Variants in PIP5K1B observed in about 807,000 individuals in gnomAD.
PIP5K1B encodes phosphatidylinositol-4-phosphate 5-kinase type 1 beta.
In PIP5K1B, 42 loss-of-function variants were observed where a neutral mutation model predicts 67.0. The observed-to-expected ratio is 0.63, with a 90% CI of 0.49 to 0.81. PIP5K1B has a LOEUF of 0.81. Ranked by LOEUF, PIP5K1B falls within the 30% of genes least tolerant of loss-of-function variation. The pLI is 0.00. For synonymous variants in PIP5K1B, 214 were observed against 231.4 expected, an observed-to-expected ratio of 0.92 and a Z score of 0.68; for missense variants, 459 against 646.3, an observed-to-expected ratio of 0.71 and a Z score of 3.14.
intron 1 of PIP5K1B, among the ~76,000 whole-genome samples, chr9:68,729,738 A>T (rs767668125): frequency 1.3e-5 from 2 of 152,180 alleles, no homozygotes; most frequent in Non-Finnish European, 2.9e-5. Context: ...GAAGTAACTG[A>T]GTCTTAAGAA....
At chr9:68,978,317 C>T (rs1286968790) in intron 14 of PIP5K1B, among the ~76,000 whole-genome samples, 3 of 152,232 alleles carry the variant, frequency 2.0e-5, no homozygotes, top group Admixed American at 6.5e-5. Flanking sequence ...ATTCTAGTCT[C>T]TGCTTTTATG....
chr9:68,767,405 C>A (rs1830480570), intron 2 of PIP5K1B, among the ~76,000 whole-genome samples: 1 of 151,952 alleles, frequency 6.6e-6, no homozygotes, highest in Admixed American at 6.6e-5. Context: ...ACCAGCCTGA[C>A]CAACATGGTG....
At chr9:68,823,806 G>A (rs1833849337) in intron 4 of PIP5K1B, among the ~76,000 whole-genome samples, 1 of 152,158 alleles carries the variant, frequency 6.6e-6, no homozygotes, top group Admixed American at 6.5e-5. Flanking sequence ...TAGTCATAAA[G>A]TACATGAGCT....
At chr9:68,736,100 A>C (rs532717403) in intron 1 of PIP5K1B, among the ~76,000 whole-genome samples, 1 of 152,128 alleles carries the variant, frequency 6.6e-6, no homozygotes, top group Non-Finnish European at 1.5e-5. Context: ...GGAGCTGTGT[A>C]CTGCTGTGGA....
At chr9:68,828,737 C>T (rs1834122088) in intron 4 of PIP5K1B, among the ~76,000 whole-genome samples, 1 of 152,134 alleles carries the variant, frequency 6.6e-6, no homozygotes, top group South Asian at 2.1e-4. Flanking sequence ...CCAGGGAGAA[C>T]CGGGTAGTAG....
At chr9:68,945,008 T>C (rs1827731740) in intron 14 of PIP5K1B, among the ~76,000 whole-genome samples, 1 of 152,032 alleles carries the variant, frequency 6.6e-6, no homozygotes, top group Non-Finnish European at 1.5e-5. Context: ...TCCAAAAACA[T>C]ACAAGGTTGG....
At chr9:68,908,060 TGGGTGCTTG>T (rs1313498106) in intron 8 of PIP5K1B, among the ~76,000 whole-genome samples, 1 of 152,208 alleles carries the variant, frequency 6.6e-6, no homozygotes, top group Non-Finnish European at 1.5e-5. Context: ...GACGTGGATG[TGGGTGCTTG>T]GACCAAGTGT....
intron 14 of PIP5K1B, among the ~76,000 whole-genome samples, chr9:68,983,051 A>C (rs1564291526): frequency 6.6e-6 from 1 of 152,214 alleles, no homozygotes; most frequent in South Asian, 2.1e-4. Context: ...AACCTTTACT[A>C]ATCTCTCTTT....
At chr9:68,856,881 T>C (rs1455055783) in intron 4 of PIP5K1B, among the ~76,000 whole-genome samples, 2 of 152,202 alleles carry the variant, frequency 1.3e-5, no homozygotes, top group African/African-American at 4.8e-5. Flanking sequence ...TCCTAATCCC[T>C]GGAACCTATT....
intron 1 of PIP5K1B, among the ~76,000 whole-genome samples, chr9:68,709,243 CT>C (rs974586095): frequency 2.6e-5 from 4 of 151,406 alleles, no homozygotes; most frequent in East Asian, 3.9e-4. Context: ...TTTCTCTTTA[CT>C]TTTTTTTTGT....
At chr9:68,804,418 G>A (rs2131995858) in intron 2 of PIP5K1B, among the ~76,000 whole-genome samples, 1 of 152,250 alleles carries the variant, frequency 6.6e-6, no homozygotes, top group Non-Finnish European at 1.5e-5. Context: ...TCCTCGGGGA[G>A]GCAGGGGGCA....
At position 69,008,947 on chromosome 9, in the gene PIP5K1B, T is replaced by C. The variant is rs929650777; in HGVS notation, c.*498T>C. The C allele has an allele frequency of 1.9e-5, 3 of 157,436 alleles. No individual in the cohort carries two copies. Among genetic ancestry groups the C allele is most frequent in the African/African-American group, 7.2e-5 (3 of 41,522 alleles). 9.8% of individuals were successfully genotyped at this position (157,436 alleles called of 1,614,324 possible). A position where few individuals can be genotyped will look rare whatever the true frequency, so the allele number is the denominator to read the frequency against. ...TTCATTTAAAGATCAATATACTAGG[T>C]CTGCCTTCACTTTATAGAAAACTAG... On this transcript the variant is annotated 3_prime_UTR_variant, in exon 16 of 16. Transcript: ENST00000265382.
At chr9:68,976,182 TA>T (rs1829622789) in intron 14 of PIP5K1B, among the ~76,000 whole-genome samples, 1 of 152,258 alleles carries the variant, frequency 6.6e-6, no homozygotes, top group Non-Finnish European at 1.5e-5. Context: ...TACAGAGAAA[TA>T]ATAGTGCTTA....
At chr9:68,987,826 T>C (rs1231366565) in intron 14 of PIP5K1B, among the ~76,000 whole-genome samples, 2 of 152,120 alleles carry the variant, frequency 1.3e-5, no homozygotes, top group African/African-American at 4.8e-5. Context: ...ATGAGACTTA[T>C]TCACTACCAT....
At chr9:68,758,025 GA>G (rs1830013375) in intron 2 of PIP5K1B, among the ~76,000 whole-genome samples, 1 of 152,188 alleles carries the variant, frequency 6.6e-6, no homozygotes, top group African/African-American at 2.4e-5. Context: ...GCTAGAAGTG[GA>G]AGTCTCTACA....
intron 4 of PIP5K1B, among the ~76,000 whole-genome samples, chr9:68,862,442 A>G (rs1010998959): frequency 6.6e-6 from 1 of 152,202 alleles, no homozygotes; most frequent in African/African-American, 2.4e-5. Flanking sequence ...GGACACTGCA[A>G]TTATAGCAAA....
intron 4 of PIP5K1B, among the ~76,000 whole-genome samples, chr9:68,837,783 A>T (rs537050088): frequency 2.0e-5 from 3 of 151,886 alleles, no homozygotes; most frequent in Non-Finnish European, 4.4e-5. Flanking sequence ...AAAATTTCTT[A>T]GTGATGTTTT....
At chr9:68,720,838 T>A (rs951791195) in intron 1 of PIP5K1B, among the ~76,000 whole-genome samples, 1 of 152,222 alleles carries the variant, frequency 6.6e-6, no homozygotes, top group African/African-American at 2.4e-5. Flanking sequence ...AATCCTTAGA[T>A]CCTTTACCGT....
rs181620406 is a variant in PIP5K1B at position 68,991,405 on chromosome 9, T to G, written c.1620+148T>G. The G allele has an allele frequency of 2.6e-4, 158 of 597,392 alleles. 1 individual carries two copies. Among genetic ancestry groups the G allele is most frequent in the African/African-American group, 2.3e-3 (122 of 53,994 alleles). The allele number at this position is 597,392 out of a possible 1,614,324, so 37.0% of individuals were successfully genotyped here. ...CCCTTTCACTTCTGCAAATGGTGCT[T>G]CTTTTCACAAGCAATGTTTTCCTAC... On this transcript the variant is annotated intron_variant, in intron 15 of 15. Coordinates refer to ENST00000265382, the MANE Select transcript of PIP5K1B (RefSeq NM_003558.4).
Sources: gnomAD v4.1 joint callset for allele counts (sites outside exome capture counted in the v4.1 genomes callset) on GRCh38, gnomAD v4.1.1 for gene constraint, MANE v1.5 for transcripts, NCBI Gene and HGNC (gene_info 2026-07-23, HGNC 2026-07-21) for gene names.